PDE4D: variants seen among roughly 807,000 people sequenced by gnomAD.
PDE4D encodes the protein phosphodiesterase 4D.
A neutral mutation model predicts 87.4 loss-of-function variants in PDE4D; 24 were observed. That is an observed-to-expected ratio of 0.27 (90% CI 0.20 to 0.39). The LOEUF is 0.39. Among genes scored for constraint, PDE4D ranks in the 10% least tolerant of loss-of-function variants. The pLI is 1.00. For missense variants in PDE4D, 714 were observed against 1,041.0 expected, an observed-to-expected ratio of 0.69 and a Z score of 4.32; for synonymous variants, 384 against 383.2, an observed-to-expected ratio of 1.00 and a Z score of -0.02.
chr5:59,779,344 T>A (rs1764383115), intron 1 of PDE4D, among the ~76,000 whole-genome samples: 1 of 152,218 alleles, frequency 6.6e-6, no homozygotes, highest in Non-Finnish European at 1.5e-5. Flanking sequence ...CAGGTAACTC[T>A]GTTACCAGTT....
chr5:59,836,618 GTATCTATC>G (rs6149046), intron 1 of PDE4D, among the ~76,000 whole-genome samples: 2,103 of 140,468 alleles, frequency 0.015, 22 homozygotes, highest in Admixed American at 0.021. Context: ...CTTCCAAGAT[GTATCTATC>G]TATCTATCTA....
chr5:59,886,771 C>T (rs746216944), intron 1 of PDE4D, among the ~76,000 whole-genome samples: 1 of 151,924 alleles, frequency 6.6e-6, no homozygotes, highest in African/African-American at 2.4e-5. Context: ...ATGGGGTTTA[C>T]AAAAGGGGAC....
At chr5:59,189,234 TTTTTTTTTTG>T (rs1411258166) in intron 3 of PDE4D, among the ~76,000 whole-genome samples, 6 of 24,290 alleles carry the variant, frequency 2.5e-4, no homozygotes, top group East Asian at 1.1e-3. Flanking sequence ...CCTACCCCGT[TTTTTTTTTTG>T]TTTTTTTTGT....
chr5:60,398,494 C>T (rs535070071), intron 1 of PDE4D, among the ~76,000 whole-genome samples: 1 of 152,148 alleles, frequency 6.6e-6, no homozygotes, highest in Non-Finnish European at 1.5e-5. Flanking sequence ...AGGACTAATC[C>T]TTGTCTGAGT....
chr5:60,118,214 A>G (rs1262501121), intron 2 of PDE4D, among the ~76,000 whole-genome samples: 1 of 152,064 alleles, frequency 6.6e-6, no homozygotes, highest in Non-Finnish European at 1.5e-5. Flanking sequence ...AAGCAGTCCT[A>G]TCCTGAACTG....
chr5:59,822,464 AT>A (rs1374400163), intron 1 of PDE4D, among the ~76,000 whole-genome samples: 1 of 152,158 alleles, frequency 6.6e-6, no homozygotes, highest in African/African-American at 2.4e-5. Context: ...CATTTTATTT[AT>A]ATTTTATGTA....
At chr5:60,182,105 T>G (rs1297385401) in intron 2 of PDE4D, among the ~76,000 whole-genome samples, 1 of 152,160 alleles carries the variant, frequency 6.6e-6, no homozygotes, top group East Asian at 1.9e-4. Context: ...TTCAGAGACC[T>G]GTCATTGGAT....
In PDE4D at chr5:59,576,961, G is replaced by A. The variant is rs189401222; in HGVS notation, c.455+316207C>T. On this transcript the variant is annotated intron_variant, in intron 1 of 14. Coordinates refer to ENST00000340635, the MANE Select transcript of PDE4D (RefSeq NM_001104631.2). Reference sequence around the variant, plus strand: ...AATACCACTACGGTTTTCTCAATTTGCCCACTGTCACATTGCTAGCTTTCC... The same window carrying A: ...AATACCACTACGGTTTTCTCAATTTACCCACTGTCACATTGCTAGCTTTCC... Among the ~76,000 whole-genome samples the A allele has an allele frequency of 3.3e-3, 503 of 152,122 alleles. 2 individuals are homozygous for A. The highest frequency in any genetic ancestry group is 5.2e-3 in the Non-Finnish European group (356 of 67,954).
intron 1 of PDE4D, among the ~76,000 whole-genome samples, chr5:60,329,243 A>T (rs1462490019): frequency 6.6e-6 from 1 of 152,168 alleles, no homozygotes; most frequent in East Asian, 1.9e-4. Context: ...TCATTGAATC[A>T]TGGGTGGGGG....
At chr5:59,279,444 C>T (rs1554119223) in intron 1 of PDE4D, among the ~76,000 whole-genome samples, 1 of 152,034 alleles carries the variant, frequency 6.6e-6, no homozygotes, top group Non-Finnish European at 1.5e-5. Context: ...ACTAGGAATA[C>T]AGTTGGATTC....
intron 1 of PDE4D, among the ~76,000 whole-genome samples, chr5:60,314,733 G>A (rs994101048): frequency 1.3e-4 from 19 of 151,930 alleles, no homozygotes; most frequent in Admixed American, 9.2e-4. Context: ...GACAACATGC[G>A]GTGTTTGGGT....
chr5:59,336,247 A>T (rs61629228), intron 1 of PDE4D, among the ~76,000 whole-genome samples: 1 of 152,338 alleles, frequency 6.6e-6, no homozygotes, highest in African/African-American at 2.4e-5. Context: ...GCTCCAAGCC[A>T]TTAGGGAAGG....
chr5:59,834,828 T>A (rs1016486569), intron 1 of PDE4D, among the ~76,000 whole-genome samples: 3 of 152,074 alleles, frequency 2.0e-5, no homozygotes, highest in African/African-American at 7.2e-5. Context: ...AGCTTCATAC[T>A]TGAAGGGTTC....
intron 1 of PDE4D, among the ~76,000 whole-genome samples, chr5:59,485,267 C>G (rs940508226): frequency 2.6e-5 from 4 of 152,224 alleles, no homozygotes; most frequent in East Asian, 3.9e-4. Context: ...AATGAATATA[C>G]AGTGCATCCA....
rs139108125 is a variant in PDE4D, at chr5:59,248,415, C to T, written c.456-32447G>A. ...ATCTATCTGCCACCTTACCCACCTACCACCCAGTCCCATCAGCCTCTGCTT... is the reference window on the plus strand; with the variant it reads ...ATCTATCTGCCACCTTACCCACCTATCACCCAGTCCCATCAGCCTCTGCTT... On this transcript the variant is annotated intron_variant, in intron 1 of 14. Coordinates refer to ENST00000340635, the MANE Select transcript of PDE4D (RefSeq NM_001104631.2). 1.2e-3 allele frequency among the ~76,000 whole-genome samples: 185 copies of T among 151,768 alleles called. 1 individual carries two copies. In the Middle Eastern group the frequency reaches 0.014, roughly 11 times the overall value.
At chr5:60,475,818 T>G (rs1157888977) in intron 1 of PDE4D, among the ~76,000 whole-genome samples, 1 of 70,200 alleles carries the variant, frequency 1.4e-5, no homozygotes, top group African/African-American at 6.1e-5. Context: ...TCTCATCTGT[T>G]AAATGAAAAA....
intron 1 of PDE4D, among the ~76,000 whole-genome samples, chr5:59,588,097 G>A (rs1825441368): frequency 6.6e-6 from 1 of 152,112 alleles, no homozygotes; most frequent in East Asian, 1.9e-4. Flanking sequence ...GAAATCCTAT[G>A]GAAGCCGGTT....
At chr5:59,214,536 C>T (rs933584614) in intron 2 of PDE4D, among the ~76,000 whole-genome samples, 1 of 152,154 alleles carries the variant, frequency 6.6e-6, no homozygotes, top group Admixed American at 6.6e-5. Context: ...TTGTGCTCAC[C>T]ATATTTTATT....
intron 5 of PDE4D, among the ~76,000 whole-genome samples, chr5:59,148,527 T>C (rs1020865472): frequency 7.2e-5 from 11 of 151,928 alleles, no homozygotes; most frequent in Admixed American, 6.6e-4. Flanking sequence ...GAGGGTGAAA[T>C]GATGATGTAG....
Sources: allele counts gnomAD v4.1 joint callset (sites outside exome capture counted in the v4.1 genomes callset), GRCh38; gene constraint gnomAD v4.1.1; transcripts MANE v1.5; gene names NCBI Gene and HGNC (gene_info 2026-07-23, HGNC 2026-07-21).